PDZD2: variants seen among roughly 807,000 people sequenced by gnomAD.
The protein encoded by PDZD2 is PDZ domain containing 2, also known as PDZ domain-containing protein 2.
PDZD2 carries 90 observed loss-of-function variants against 220.7 expected under a neutral mutation model. The observed-to-expected ratio is 0.41, with a 90% CI of 0.34 to 0.49. The LOEUF is 0.49. Ranked by LOEUF, PDZD2 falls within the 20% of genes least tolerant of loss-of-function variation. The pLI, the probability that PDZD2 is intolerant of heterozygous loss-of-function variation, is 0.28. For synonymous variants in PDZD2, 1,375 were observed against 1,450.5 expected (o/e 0.95, Z 1.18); for missense variants, 3,174 against 3,608.5 (o/e 0.88, Z 3.08).
At chr5:32,014,729 T>TTTTTTTTTTTTTTTTTTTTTTTTTTTTG (rs1753628500) in intron 6 of PDZD2, among the ~76,000 whole-genome samples, 1 of 48,752 alleles carries the variant, frequency 2.1e-5, no homozygotes, top group African/African-American at 4.9e-5. Context: ...TTTTTTTTTT[T>TTTTTTTTTTTTTTTTTTTTTTTTTTTTG]TTTTTGAGAT....
At chr5:31,839,037 A>T (rs752850795) in intron 2 of PDZD2, among the ~76,000 whole-genome samples, 29 of 152,134 alleles carry the variant, frequency 1.9e-4, no homozygotes, top group Admixed American at 3.9e-4. Context: ...TCTCACCAGA[A>T]AGAGATTTGG....
intron 7 of PDZD2, among the ~76,000 whole-genome samples, chr5:32,041,508 G>A (rs1756145274): frequency 6.6e-6 from 1 of 152,136 alleles, no homozygotes; most frequent in African/African-American, 2.4e-5. Flanking sequence ...AAATTCTTCT[G>A]CCTTGGGATG....
At chr5:31,652,190 G>C (rs1381098273) in intron 1 of PDZD2, among the ~76,000 whole-genome samples, 1 of 150,962 alleles carries the variant, frequency 6.6e-6, no homozygotes. Flanking sequence ...ACAGTGTCTT[G>C]CCATGTTACC....
intron 2 of PDZD2, among the ~76,000 whole-genome samples, chr5:31,864,870 A>G (rs536723227): frequency 5.3e-4 from 51 of 96,904 alleles, no homozygotes; most frequent in African/African-American, 1.9e-3. Context: ...TTTTTTTGAG[A>G]CGGAGTCTCG....
intron 1 of PDZD2, among the ~76,000 whole-genome samples, chr5:31,727,123 C>A (rs1165688990): frequency 2.0e-5 from 3 of 152,180 alleles, no homozygotes; most frequent in Admixed American, 1.3e-4. Flanking sequence ...TCCACCCCCA[C>A]CGTCCAAACA....
At chr5:31,817,178 T>C (rs1393856461) in intron 2 of PDZD2, among the ~76,000 whole-genome samples, 3 of 88,508 alleles carry the variant, frequency 3.4e-5, no homozygotes, top group Admixed American at 3.1e-4. Context: ...AGAGTGAGAC[T>C]CCGTCTCAAA....
At chr5:31,837,717 T>G (rs1047806612) in intron 2 of PDZD2, among the ~76,000 whole-genome samples, 16 of 144,928 alleles carry the variant, frequency 1.1e-4, no homozygotes, top group Non-Finnish European at 4.6e-5. Context: ...AGAGTGAGAC[T>G]CCATCTCAAA....
intron 1 of PDZD2, among the ~76,000 whole-genome samples, chr5:31,770,749 T>G (rs1580722044): frequency 1.3e-5 from 2 of 152,262 alleles, no homozygotes; most frequent in East Asian, 3.9e-4. Flanking sequence ...AGAGGGATGC[T>G]TTATGTGCAA....
At chr5:31,890,532 G>A (rs542937246) in intron 2 of PDZD2, among the ~76,000 whole-genome samples, 44 of 152,200 alleles carry the variant, frequency 2.9e-4, no homozygotes, top group African/African-American at 9.6e-4. Flanking sequence ...CAGCCGAGCC[G>A]GGCCTAGAGC....
At chr5:31,883,380 C>A (rs191030284) in intron 2 of PDZD2, among the ~76,000 whole-genome samples, 1 of 150,962 alleles carries the variant, frequency 6.6e-6, no homozygotes, top group Admixed American at 6.6e-5. Context: ...ACCACCAGGC[C>A]GGTTTAGTTT....
chr5:32,088,491 C>T lies in PDZD2; in HGVS notation c.5043C>T (p.Asp1681=), dbSNP rs1210054542. 6.2e-7 allele frequency: 1 copy of T among 1,614,104 alleles called. No individual in the cohort carries two copies. Among genetic ancestry groups the T allele is most frequent in the Non-Finnish European group, 8.5e-7 (1 of 1,180,004 alleles). ...CTCAGGAGCATGAAACTCATGCGGACATAAGCACTTCACAGAACCACAGGC... is the reference window on the plus strand; with the variant it reads ...CTCAGGAGCATGAAACTCATGCGGATATAAGCACTTCACAGAACCACAGGC... ...MSSQEHETHA[D]ISTSQNHRPS... is the part of the protein sequence containing the mutation. Residue 1681 remains aspartate (D), a synonymous_variant, in exon 20 of 25, where the codon GAC becomes GAT. Coordinates refer to ENST00000438447, the MANE Select transcript of PDZD2 (RefSeq NM_178140.4). This position sits in a 1 kb window ranked among gnomAD's most constrained non-coding sequence, Gnocchi z 4.6.
intron 1 of PDZD2, among the ~76,000 whole-genome samples, chr5:31,664,613 G>A (rs1215858700): frequency 6.6e-6 from 1 of 152,200 alleles, no homozygotes; most frequent in Non-Finnish European, 1.5e-5. Context: ...CGACGGCAGA[G>A]ACCATCCTAG....
intron 1 of PDZD2, among the ~76,000 whole-genome samples, chr5:31,653,524 C>T (rs1028169807): frequency 1.3e-5 from 2 of 152,074 alleles, no homozygotes; most frequent in Non-Finnish European, 2.9e-5. Flanking sequence ...GAGGGAGGAC[C>T]TCTGAGGCAG....
intron 1 of PDZD2, among the ~76,000 whole-genome samples, chr5:31,776,186 T>C (rs1752633135): frequency 6.6e-6 from 1 of 152,170 alleles, no homozygotes; most frequent in Non-Finnish European, 1.5e-5. Context: ...CTAGGTCATC[T>C]TGGACTCCTC....
At chr5:31,832,289 G>A (rs1580847431) in intron 2 of PDZD2, 1 of 111,540 alleles carries the variant, frequency 9.0e-6, no homozygotes, top group African/African-American at 3.5e-5. Context: ...AGAGTTATTA[G>A]TGGATGTAAA....
At chr5:31,728,834 T>C (rs1749333285) in intron 1 of PDZD2, among the ~76,000 whole-genome samples, 2 of 152,328 alleles carry the variant, frequency 1.3e-5, no homozygotes, top group South Asian at 2.1e-4. Context: ...TATTATGCAA[T>C]GTGCATCTTG....
chr5:31,722,840 C>A (rs1748887334), intron 1 of PDZD2, among the ~76,000 whole-genome samples: 1 of 152,132 alleles, frequency 6.6e-6, no homozygotes, highest in African/African-American at 2.4e-5. Context: ...AGGTGCCCAC[C>A]ACCACACCTG....
chr5:31,932,012 A>G (rs10066324), intron 2 of PDZD2, among the ~76,000 whole-genome samples: 2 of 152,284 alleles, frequency 1.3e-5, no homozygotes, highest in Admixed American at 1.3e-4. Flanking sequence ...CACAATTGGC[A>G]GGGTGTTCCC....
intron 2 of PDZD2, among the ~76,000 whole-genome samples, chr5:31,887,148 A>G (rs1337762316): frequency 6.6e-6 from 1 of 152,118 alleles, no homozygotes; most frequent in Admixed American, 6.6e-5. Context: ...CTGTATGTTG[A>G]CCAGTTCAAT....
Sources: allele counts gnomAD v4.1 joint callset (sites outside exome capture counted in the v4.1 genomes callset), GRCh38; gene constraint gnomAD v4.1.1; non-coding constraint Gnocchi (gnomAD v3.1); transcripts MANE v1.5; gene names NCBI Gene and HGNC (gene_info 2026-07-23, HGNC 2026-07-21).